Variants in AGBL1 observed in about 807,000 individuals in gnomAD.
The protein encoded by AGBL1 is cytosolic carboxypeptidase 4.
In AGBL1, 130 loss-of-function variants were observed where a neutral mutation model predicts 118.9. The ratio of observed to expected loss-of-function variants is 1.09; its 90% CI spans 0.95 to 1.26. The LOEUF (loss-of-function observed/expected upper bound fraction) is 1.26. Among genes scored for constraint, AGBL1 ranks in the 50% most tolerant of loss-of-function variants. AGBL1 has a pLI of 0.00. For missense variants in AGBL1, 1,584 were observed against 1,298.1 expected, an observed-to-expected ratio of 1.22 and a Z score of -3.38; for synonymous variants, 555 against 478.9, an observed-to-expected ratio of 1.16 and a Z score of -2.08.
chr15:86,387,607 C>A (rs1167501314), intron 17 of AGBL1, among the ~76,000 whole-genome samples: 1 of 152,158 alleles, frequency 6.6e-6, no homozygotes, highest in African/African-American at 2.4e-5. Flanking sequence ...GTATTACTTA[C>A]AATTTGTGAA....
At chr15:86,808,656 T>G (rs2078749645) in intron 22 of AGBL1, among the ~76,000 whole-genome samples, 1 of 148,818 alleles carries the variant, frequency 6.7e-6, no homozygotes, top group Non-Finnish European at 1.5e-5. Flanking sequence ...TTCCTTCCCT[T>G]TCTTTCCTCC....
chr15:86,250,009 C>T (rs1216803877), intron 7 of AGBL1, among the ~76,000 whole-genome samples: 1 of 152,200 alleles, frequency 6.6e-6, no homozygotes, highest in Non-Finnish European at 1.5e-5. Flanking sequence ...AATGTGAGTG[C>T]ACACAGAGTG....
At chr15:86,349,480 C>T (rs146986346) in intron 17 of AGBL1, among the ~76,000 whole-genome samples, 14 of 152,172 alleles carry the variant, frequency 9.2e-5, no homozygotes, top group South Asian at 2.1e-4. Flanking sequence ...GATTCCTATA[C>T]GTTATTTAAG....
intron 22 of AGBL1, among the ~76,000 whole-genome samples, chr15:86,845,610 T>G (rs1345998356): frequency 6.6e-6 from 1 of 152,200 alleles, no homozygotes; most frequent in African/African-American, 2.4e-5. Context: ...TATTGAGAAA[T>G]GTATTCTCCA....
At chr15:86,243,912 C>A (rs1019654124) in intron 6 of AGBL1, among the ~76,000 whole-genome samples, 21 of 151,696 alleles carry the variant, frequency 1.4e-4, no homozygotes, top group Non-Finnish European at 2.5e-4. Context: ...CCCAGTTATG[C>A]GGGAGGCTGA....
At chr15:86,898,607 C>T (rs893373338) in intron 22 of AGBL1, among the ~76,000 whole-genome samples, 1 of 152,032 alleles carries the variant, frequency 6.6e-6, no homozygotes, top group Admixed American at 6.6e-5. Flanking sequence ...ACACAGTAAA[C>T]AGAAAATCTA....
At position 86,154,425 on chromosome 15, in the gene AGBL1, C is replaced by T; in HGVS notation, c.263-5C>T. 1.9e-6 allele frequency: 3 copies of T among 1,610,972 alleles called. No homozygotes were observed. The highest frequency in any genetic ancestry group is 2.5e-6 in the Non-Finnish European group (3 of 1,178,566). ...CAACTAAGATAGATTGATTTGTGTT[C>T]TTAGATAAAAAGATTGGACGGAAGG... On this transcript the variant is annotated splice_region_variant and splice_polypyrimidine_tract_variant and intron_variant, in intron 3 of 22. Transcript: ENST00000614907.
At chr15:86,248,383 A>G (rs1163721434) in intron 7 of AGBL1, among the ~76,000 whole-genome samples, 1 of 152,166 alleles carries the variant, frequency 6.6e-6, no homozygotes, top group Non-Finnish European at 1.5e-5. Flanking sequence ...CTTAACATAT[A>G]TTTGTTGAAT....
chr15:86,993,055 AT>A (rs141865677), intron 24 of AGBL1, among the ~76,000 whole-genome samples: 6 of 152,178 alleles, frequency 3.9e-5, no homozygotes, highest in Non-Finnish European at 7.4e-5. Flanking sequence ...AATATTTGTC[AT>A]TTTTTTATTA....
chr15:86,870,490 A>AAAAAAG (rs2079709986), intron 22 of AGBL1, among the ~76,000 whole-genome samples: 1 of 127,418 alleles, frequency 7.8e-6, no homozygotes, highest in African/African-American at 2.9e-5. Flanking sequence ...AAAAAAAAAA[A>AAAAAAG]AAAAAAGAAG....
chr15:86,781,827 T>A (rs967089441), intron 22 of AGBL1, among the ~76,000 whole-genome samples: 4 of 152,128 alleles, frequency 2.6e-5, no homozygotes, highest in Non-Finnish European at 5.9e-5. Flanking sequence ...TTGTTAAAAG[T>A]TGACTATGAT....
chr15:86,684,461 C>CT (rs1295868870), intron 22 of AGBL1, among the ~76,000 whole-genome samples: 5 of 38,340 alleles, frequency 1.3e-4, no homozygotes, highest in Admixed American at 1.0e-3. Flanking sequence ...GCATAGTTCT[C>CT]TCTTTTTTTT....
chr15:86,364,925 G>A (rs2080857585), intron 17 of AGBL1, among the ~76,000 whole-genome samples: 1 of 140,844 alleles, frequency 7.1e-6, no homozygotes, highest in Non-Finnish European at 1.5e-5. Flanking sequence ...TGTTTAGACA[G>A]CCTGCAGGAG....
intron 18 of AGBL1, among the ~76,000 whole-genome samples, chr15:86,437,311 C>T (rs530656243): frequency 2.0e-5 from 3 of 152,278 alleles, no homozygotes; most frequent in African/African-American, 7.2e-5. Context: ...TTGTGAAGCA[C>T]TAGCCCAGTG....
intron 21 of AGBL1, among the ~76,000 whole-genome samples, chr15:86,565,771 G>T (rs2083903682): frequency 6.6e-6 from 1 of 152,174 alleles, no homozygotes; most frequent in African/African-American, 2.4e-5. Flanking sequence ...AGCTGCCTTG[G>T]GCTCCACCCA....
intron 18 of AGBL1, among the ~76,000 whole-genome samples, chr15:86,398,365 A>T (rs566690443): frequency 6.6e-6 from 1 of 152,198 alleles, no homozygotes; most frequent in Non-Finnish European, 1.5e-5. Flanking sequence ...TGGGCAAAGG[A>T]TAAAGCCGCC....
intron 17 of AGBL1, among the ~76,000 whole-genome samples, chr15:86,381,684 G>A (rs1426120197): frequency 6.6e-6 from 1 of 152,200 alleles, no homozygotes; most frequent in Non-Finnish European, 1.5e-5. Flanking sequence ...CCCAGAATGG[G>A]TGAAACACGA....
chr15:86,946,108 G>A (rs2141662531), intron 23 of AGBL1: 1 of 152,300 alleles, frequency 6.6e-6, no homozygotes, highest in Non-Finnish European at 1.5e-5. Flanking sequence ...CCAACTCTAA[G>A]TTCAAATTTC....
intron 19 of AGBL1, among the ~76,000 whole-genome samples, chr15:86,538,713 T>A (rs1283104554): frequency 6.6e-6 from 1 of 152,192 alleles, no homozygotes; most frequent in Non-Finnish European, 1.5e-5. Context: ...AATGTCTTGA[T>A]ACTGGGAAGC....
Sources: allele counts gnomAD v4.1 joint callset (sites outside exome capture counted in the v4.1 genomes callset), GRCh38; gene constraint gnomAD v4.1.1; transcripts MANE v1.5; gene names NCBI Gene and HGNC (gene_info 2026-07-23, HGNC 2026-07-21).